ATP10B: variants seen among roughly 807,000 people sequenced by gnomAD.
ATP10B encodes ATPase phospholipid transporting 10B (putative).
In ATP10B, 122 loss-of-function variants were observed where a neutral mutation model predicts 141.2. That is an observed-to-expected ratio of 0.86 (90% CI 0.75 to 1.00). The LOEUF (loss-of-function observed/expected upper bound fraction) is 1.00, where lower values mean the gene tolerates loss of function less well. ATP10B is among the 50% of genes least tolerant of loss of function. The pLI, the probability that ATP10B is intolerant of heterozygous loss-of-function variation, is 0.00. For missense variants in ATP10B, 1,876 were observed against 1,825.3 expected (o/e 1.03, Z -0.51); for synonymous variants, 685 against 692.0 (o/e 0.99, Z 0.16).
At chr5:160,879,567 C>T in the ATP10B span, among the ~76,000 whole-genome samples, 6 of 150,752 alleles carry the variant, frequency 4.0e-5, no homozygotes, top group African/African-American at 1.2e-4. Flanking sequence ...CGGCCAGGCG[C>T]GGTGGCTCTC....
chr5:160,767,641 C>CCCCG (rs1554113861), intron 2 of ATP10B, among the ~76,000 whole-genome samples: 17 of 114,190 alleles, frequency 1.5e-4, no homozygotes, highest in South Asian at 1.0e-3. Flanking sequence ...CAGAACCCCC[C>CCCCG]CCCCCAAAAT....
At chr5:160,681,827 A>G (rs1006751707) in intron 6 of ATP10B, among the ~76,000 whole-genome samples, 8 of 152,210 alleles carry the variant, frequency 5.3e-5, no homozygotes, top group Non-Finnish European at 2.9e-5. Flanking sequence ...GGTTATTTCA[A>G]ATAAAAATAT....
rs185750797 is a variant in ATP10B at position 160,664,524 on chromosome 5, T to C, written c.675+5939A>G. On this transcript the variant is annotated intron_variant, in intron 7 of 25. Transcript: ENST00000327245. Reference sequence around the variant, plus strand: ...AACCTGAGCAACAAACAGATACATATGATTATTACGTTGATTATTGATGCT... The same window carrying C: ...AACCTGAGCAACAAACAGATACATACGATTATTACGTTGATTATTGATGCT... Among the ~76,000 whole-genome samples, 344 of 152,302 alleles carry C rather than the reference T, an allele frequency of 2.3e-3. 2 individuals carry two copies. The highest frequency in any genetic ancestry group is 7.9e-3 in the African/African-American group (330 of 41,566).
At chr5:160,702,797 G>T (rs1764753001) in intron 3 of ATP10B, among the ~76,000 whole-genome samples, 1 of 152,088 alleles carries the variant, frequency 6.6e-6, no homozygotes, top group Middle Eastern at 3.2e-3. Context: ...ACTTGTAACA[G>T]GATGCTCTGT....
chr5:160,631,063 G>T (rs1247837615), intron 13 of ATP10B, among the ~76,000 whole-genome samples: 2 of 152,184 alleles, frequency 1.3e-5, no homozygotes, highest in African/African-American at 4.8e-5. Context: ...ATGTGTGTGT[G>T]TATTCATGGG....
rs369168494 is a variant in ATP10B at position 160,674,419 on chromosome 5, C to T, written c.471-3752G>A. On this transcript the variant is annotated intron_variant, in intron 6 of 25. Coordinates refer to ENST00000327245, the MANE Select transcript of ATP10B (RefSeq NM_025153.3). ...TCTGTGAGCTGGGCTGGAGTATTGTCCTGTCAAGTCCTGTCATGATCTAAG... is the reference window on the plus strand; with the variant it reads ...TCTGTGAGCTGGGCTGGAGTATTGTTCTGTCAAGTCCTGTCATGATCTAAG... 1.1e-4 allele frequency among the ~76,000 whole-genome samples: 16 copies of T among 152,258 alleles called. 1 individual carries two copies. Among genetic ancestry groups the T allele is most frequent in the African/African-American group, 3.6e-4 (15 of 41,550 alleles).
chr5:160,897,679 G>GA, the ATP10B span, among the ~76,000 whole-genome samples: 1 of 152,002 alleles, frequency 6.6e-6, no homozygotes, highest in African/African-American at 2.4e-5. Context: ...CACAGAATTA[G>GA]AAAAAAACTA....
At chr5:160,815,668 T>C (rs1773554494) in intron 1 of ATP10B, among the ~76,000 whole-genome samples, 1 of 152,180 alleles carries the variant, frequency 6.6e-6, no homozygotes, top group South Asian at 2.1e-4. Flanking sequence ...GTGGACCTAA[T>C]AGACATCTAC....
At chr5:160,871,287 G>C in the ATP10B span, among the ~76,000 whole-genome samples, 3 of 151,920 alleles carry the variant, frequency 2.0e-5, no homozygotes, top group African/African-American at 7.3e-5. Context: ...AATGATACAA[G>C]GAACAGAAGG....
At chr5:160,858,954 A>C in the ATP10B span, among the ~76,000 whole-genome samples, 2 of 151,976 alleles carry the variant, frequency 1.3e-5, no homozygotes, top group Non-Finnish European at 2.9e-5. Context: ...AGTGAAACAT[A>C]ATTTAGAAAG....
chr5:160,798,432 GCA>G (rs1334854887), intron 1 of ATP10B, among the ~76,000 whole-genome samples: 1 of 152,170 alleles, frequency 6.6e-6, no homozygotes, highest in Non-Finnish European at 1.5e-5. Flanking sequence ...GAAAACAGAT[GCA>G]GAGACAAAGA....
the ATP10B span, among the ~76,000 whole-genome samples, chr5:160,894,918 G>T: frequency 6.6e-6 from 1 of 152,170 alleles, no homozygotes; most frequent in East Asian, 1.9e-4. Context: ...TTAAGGAAAA[G>T]AATTGTCATC....
At chr5:160,572,250 A>G (rs927728806) in intron 24 of ATP10B, among the ~76,000 whole-genome samples, 8 of 151,462 alleles carry the variant, frequency 5.3e-5, no homozygotes, top group Non-Finnish European at 7.4e-5. Context: ...GAGGGATGTG[A>G]TCTAAATAAC....
intron 1 of ATP10B, among the ~76,000 whole-genome samples, chr5:160,810,778 CAG>C (rs1412486466): frequency 6.6e-6 from 1 of 152,106 alleles, no homozygotes; most frequent in Non-Finnish European, 1.5e-5. Context: ...TAATTTTTAT[CAG>C]AGTTGTAAGC....
chr5:160,725,033 G>C (rs1304562150), intron 2 of ATP10B, among the ~76,000 whole-genome samples: 1 of 152,092 alleles, frequency 6.6e-6, no homozygotes, highest in Non-Finnish European at 1.5e-5. Context: ...ATAGTTCCTT[G>C]TATGTAGGAA....
At chr5:160,652,901 T>TA (rs1275222120) in intron 7 of ATP10B, among the ~76,000 whole-genome samples, 1 of 70,270 alleles carries the variant, frequency 1.4e-5, no homozygotes, top group Non-Finnish European at 2.5e-5. Flanking sequence ...ATATAATATA[T>TA]TATATATACA....
chr5:160,593,943 A>T (rs1410802182), intron 22 of ATP10B, among the ~76,000 whole-genome samples: 1 of 152,252 alleles, frequency 6.6e-6, no homozygotes, highest in African/African-American at 2.4e-5. Flanking sequence ...GAAAGAATGG[A>T]ACTAAGCTGG....
chr5:160,922,353 TAGTAATATATGG>T, the ATP10B span, among the ~76,000 whole-genome samples: 77,558 of 151,836 alleles, frequency 0.51, 20,054 homozygotes, highest in Non-Finnish European at 0.54. Flanking sequence ...AGATTAAATG[TAGTAATATATGG>T]AGGTATTTAG....
At chr5:160,742,504 G>A (rs932057680) in intron 2 of ATP10B, among the ~76,000 whole-genome samples, 3 of 152,110 alleles carry the variant, frequency 2.0e-5, no homozygotes, top group African/African-American at 4.8e-5. Context: ...GTGATAAAGA[G>A]ACAATAGCTA....
Sources: gnomAD v4.1 joint callset for allele counts (sites outside exome capture counted in the v4.1 genomes callset) on GRCh38, gnomAD v4.1.1 for gene constraint, MANE v1.5 for transcripts, NCBI Gene and HGNC (gene_info 2026-07-23, HGNC 2026-07-21) for gene names.